The following TAB2 variants were observed in gnomAD, a reference collection of about 807,000 sequenced individuals.
TAB2 encodes TGF-beta activated kinase 1 (MAP3K7) binding protein 2.
A neutral mutation model predicts 65.0 loss-of-function variants in TAB2; 3 were observed. The ratio of observed to expected loss-of-function variants is 0.05; its 90% CI spans 0.02 to 0.12. The LOEUF (loss-of-function observed/expected upper bound fraction) is 0.12, where lower values mean the gene tolerates loss of function less well. Among genes scored for constraint, TAB2 ranks in the 10% least tolerant of loss-of-function variants. The pLI is 1.00. For missense variants in TAB2, 623 were observed against 840.3 expected, an observed-to-expected ratio of 0.74 and a Z score of 3.20; for synonymous variants, 298 against 285.1, an observed-to-expected ratio of 1.05 and a Z score of -0.46.
intron 1 of TAB2, among the ~76,000 whole-genome samples, chr6:149,268,116 G>A (rs1180881346): frequency 6.6e-6 from 1 of 152,170 alleles, no homozygotes; most frequent in Non-Finnish European, 1.5e-5. Flanking sequence ...AATGGTAGTG[G>A]CTTAACCATG....
At chr6:149,383,167 A>AG (rs1363845465) in intron 3 of TAB2, among the ~76,000 whole-genome samples, 4 of 152,210 alleles carry the variant, frequency 2.6e-5, no homozygotes, top group Admixed American at 6.5e-5. Context: ...AAAATAAAGA[A>AG]GAAAAAAAAA....
intron 1 of TAB2, among the ~76,000 whole-genome samples, chr6:149,267,892 C>T (rs557185359): frequency 6.6e-6 from 1 of 152,234 alleles, no homozygotes; most frequent in Non-Finnish European, 1.5e-5. Flanking sequence ...TATAACCTTA[C>T]GGGACCACTG....
intron 1 of TAB2, among the ~76,000 whole-genome samples, chr6:149,360,530 TG>T (rs954278095): frequency 2.0e-5 from 3 of 152,130 alleles, no homozygotes; most frequent in Non-Finnish European, 4.4e-5. Flanking sequence ...TCCACCCTCA[TG>T]GTCCAGTCGC....
chr6:149,400,147 C>G, intron 6 of TAB2: 1 of 527,304 alleles, frequency 1.9e-6, no homozygotes, highest in Non-Finnish European at 3.3e-6. Context: ...GGATTAAACT[C>G]ACCACTCACA....
chr6:149,370,205 A>G, intron 2 of TAB2, 106 bp downstream of exon 2: 1 of 1,063,540 alleles, frequency 9.4e-7, no homozygotes, highest in Non-Finnish European at 1.4e-6. Context: ...TTAGTGTATT[A>G]TGATGAAAAG....
Position 149,379,127 on chromosome 6 carries a change from G to A in TAB2, c.1212G>A (p.Gln404=). ...ATGDEQVMRN[Q]PTLFISTNSG... ...GAGATGAACAGGTCATGCGGAATCA[G>A]CCCACACTCTTCATATCCACAAACT... The change falls in exon 3 of 7, where the codon CAG becomes CAA. Residue 404 remains glutamine (Q), a synonymous_variant. Transcript: ENST00000637181. The A allele has an allele frequency of 6.2e-7, 1 of 1,614,142 alleles. No individual in the cohort carries two copies. Among genetic ancestry groups the A allele is most frequent in the Non-Finnish European group, 8.5e-7 (1 of 1,180,028 alleles).
intron 1 of TAB2, among the ~76,000 whole-genome samples, chr6:149,342,351 G>T (rs1780156152): frequency 6.6e-6 from 1 of 152,082 alleles, no homozygotes; most frequent in African/African-American, 2.4e-5. Context: ...TTTGGATTTT[G>T]TTGTTGTTTT....
chr6:149,278,381 C>G (rs1211127598), intron 1 of TAB2, among the ~76,000 whole-genome samples: 1 of 152,068 alleles, frequency 6.6e-6, no homozygotes, highest in African/African-American at 2.4e-5. Context: ...CCCCTGTACT[C>G]CAAAACATAT....
chr6:149,389,092 A>T (rs1389690043), intron 3 of TAB2, among the ~76,000 whole-genome samples: 2 of 151,200 alleles, frequency 1.3e-5, no homozygotes, highest in East Asian at 3.9e-4. Context: ...AGTAGCTGGG[A>T]CTACAGGCAT....
At chr6:149,291,359 A>G (rs755301781) in intron 1 of TAB2, 1 of 152,248 alleles carries the variant, frequency 6.6e-6, no homozygotes, top group East Asian at 1.9e-4. Context: ...TAAGCCGGGC[A>G]CAGTGGTGCC....
chr6:149,308,638 C>T (rs1039723045), intron 1 of TAB2, among the ~76,000 whole-genome samples: 1 of 152,056 alleles, frequency 6.6e-6, no homozygotes, highest in Non-Finnish European at 1.5e-5. Context: ...AAGTGATTCT[C>T]CTGCCTCAGC....
intron 1 of TAB2, chr6:149,247,870 G>A (rs916010114): frequency 2.0e-5 from 3 of 152,184 alleles, no homozygotes; most frequent in African/African-American, 4.8e-5. Flanking sequence ...TTAATCCGCT[G>A]GGATACAGGG....
intron 1 of TAB2, among the ~76,000 whole-genome samples, chr6:149,289,961 A>G (rs1778747156): frequency 6.6e-6 from 1 of 152,156 alleles, no homozygotes; most frequent in Non-Finnish European, 1.5e-5. Context: ...GTTATTATCT[A>G]AAGACCTGGA....
intron 1 of TAB2, among the ~76,000 whole-genome samples, chr6:149,295,799 G>A (rs531456911): frequency 1.2e-3 from 179 of 152,178 alleles, no homozygotes; most frequent in African/African-American, 4.2e-3. Context: ...TTGAGACAGA[G>A]TCTTGCTCTG....
intron 1 of TAB2, among the ~76,000 whole-genome samples, chr6:149,252,243 T>C (rs944715596): frequency 6.6e-6 from 1 of 151,886 alleles, no homozygotes; most frequent in Non-Finnish European, 1.5e-5. Context: ...CCATCTCTAC[T>C]AAAAATACAA....
At chr6:149,373,789 G>T (rs1484184803) in intron 2 of TAB2, among the ~76,000 whole-genome samples, 1 of 152,184 alleles carries the variant, frequency 6.6e-6, no homozygotes, top group Non-Finnish European at 1.5e-5. Flanking sequence ...TACACTTCAA[G>T]AGAGTCTTCT....
upstream of TAB2, among the ~76,000 whole-genome samples, chr6:149,316,415 G>T (rs1311771025): frequency 6.6e-6 from 1 of 152,178 alleles, no homozygotes; most frequent in Non-Finnish European, 1.5e-5. Context: ...AATTCTCACT[G>T]TAGCTACAGT....
chr6:149,380,186 A>G, intron 3 of TAB2: 1 of 224,728 alleles, frequency 4.4e-6, no homozygotes, highest in South Asian at 5.2e-5. Context: ...GGTTAGAGTG[A>G]ACTGTGACCA....
intron 6 of TAB2, among the ~76,000 whole-genome samples, chr6:149,405,529 G>A (rs1037963927): frequency 1.3e-5 from 2 of 152,140 alleles, no homozygotes; most frequent in South Asian, 2.1e-4. Context: ...TAAAGAAAAC[G>A]TGAGAGATAC....
Sources: gnomAD v4.1 joint callset for allele counts (sites outside exome capture counted in the v4.1 genomes callset) on GRCh38, gnomAD v4.1.1 for gene constraint, MANE v1.5 for transcripts, NCBI Gene and HGNC (gene_info 2026-07-23, HGNC 2026-07-21) for gene names.